P2RX5: variants seen among roughly 807,000 people sequenced by gnomAD.
The protein encoded by P2RX5 is P2X purinoceptor 5.
Under a neutral mutation model 54.1 loss-of-function variants are expected in P2RX5, and 46 were observed. The ratio of observed to expected loss-of-function variants is 0.85; its 90% confidence interval spans 0.67 to 1.09. P2RX5 has a LOEUF of 1.09. Ranked by LOEUF, P2RX5 falls within the 50% of genes least tolerant of loss-of-function variation. The pLI is 0.00. For synonymous variants in P2RX5, 226 were observed against 226.4 expected, an observed-to-expected ratio of 1.00 and a Z score of 0.02; for missense variants, 566 against 549.8, an observed-to-expected ratio of 1.03 and a Z score of -0.29.
rs1211608462 is a variant in P2RX5 at position 3,689,555 on chromosome 17, G to A, written c.690C>T (p.Pro230=). The change falls in exon 7 of 12, where the codon CCC becomes CCT. Residue 230 remains proline, a synonymous_variant. Coordinates refer to ENST00000225328, the MANE Select transcript of P2RX5 (RefSeq NM_002561.4). ...CHFGPKNHYC[P]IFRLGSVIRW... is the part of the protein sequence containing the mutation. ...GGATCACGGAGCCCAGTCGGAAGAT[G>A]GGGCAGTAGTGGTTCTTGGGGCCAA... The A allele has an allele frequency of 1.2e-6, 2 of 1,614,142 alleles. No individual in the cohort carries two copies. Among genetic ancestry groups the A allele is most frequent in the South Asian group, 1.1e-5 (1 of 91,086 alleles).
At chr17:3,695,621 A>C (rs538893500) in intron 1 of P2RX5, among the ~76,000 whole-genome samples, 1 of 152,218 alleles carries the variant, frequency 6.6e-6, no homozygotes, top group Non-Finnish European at 1.5e-5. Flanking sequence ...AATCGAGGAA[A>C]CCAGAAGGCC....
At chr17:3,690,714 G>C (rs759761937) in intron 3 of P2RX5, 34 bp from the exon 4 acceptor site, 2 of 1,599,420 alleles carry the variant, frequency 1.3e-6, no homozygotes, top group African/African-American at 1.3e-5. Context: ...GGATGGGGGG[G>C]TTCCCCCAGC....
At chr17:3,683,795 G>A (rs922813419) in intron 9 of P2RX5, among the ~76,000 whole-genome samples, 1 of 151,600 alleles carries the variant, frequency 6.6e-6, no homozygotes, top group Non-Finnish European at 1.5e-5. Context: ...AGTAACAGGC[G>A]CAAACATCCA....
At chr17:3,677,616 G>A in intron 11 of P2RX5, 1 of 985,408 alleles carries the variant, frequency 1.0e-6, no homozygotes, top group African/African-American at 1.7e-5. Flanking sequence ...AGGCCAGCTG[G>A]AGTGGCTGGG....
the P2RX5 span, among the ~76,000 whole-genome samples, chr17:3,707,859 T>C: frequency 0.47 from 70,973 of 151,420 alleles, 17,497 homozygotes; most frequent in East Asian, 0.65. Flanking sequence ...GAGATCGAGA[T>C]CATCCTGGCT....
chr17:3,721,365 G>A, the P2RX5 span, among the ~76,000 whole-genome samples: 22 of 142,908 alleles, frequency 1.5e-4, no homozygotes, highest in African/African-American at 4.6e-4. Context: ...TCAAATTCCT[G>A]GGCTCAAACG....
chr17:3,680,748 A>G (rs924978445), intron 10 of P2RX5, among the ~76,000 whole-genome samples: 1 of 28,436 alleles, frequency 3.5e-5, no homozygotes, highest in Non-Finnish European at 7.7e-5. Context: ...TCCTCCACCC[A>G]GCGTCCTCCA....
At chr17:3,676,617 T>A (rs2050111148) in intron 11 of P2RX5, 3 of 983,996 alleles carry the variant, frequency 3.0e-6, no homozygotes, top group African/African-American at 3.5e-5. Flanking sequence ...AAAGCTGGCC[T>A]TTTTCCCCTG....
At chr17:3,723,360 C>T in the P2RX5 span, 1 of 1,613,546 alleles carries the variant, frequency 6.2e-7, no homozygotes, top group Non-Finnish European at 8.5e-7. Flanking sequence ...TGACACAGCT[C>T]ACTGAATGCC....
intron 11 of P2RX5, chr17:3,677,353 G>A: frequency 1.1e-6 from 1 of 950,434 alleles, no homozygotes; most frequent in Non-Finnish European, 1.2e-6. Flanking sequence ...CCCGAGGCTG[G>A]TGGAGTCAGA....
chr17:3,691,517 G>A, intron 2 of P2RX5, 127 bp downstream of exon 2: 1 of 1,175,216 alleles, frequency 8.5e-7, no homozygotes. Context: ...GCAAGCCCTG[G>A]CAGCTGTCTT....
the P2RX5 span, among the ~76,000 whole-genome samples, chr17:3,708,233 C>A: frequency 2.6e-5 from 4 of 152,036 alleles, no homozygotes; most frequent in African/African-American, 9.7e-5. Context: ...CTTCCTAATG[C>A]CCACCACCTC....
rs754389394 is a variant in P2RX5 at position 3,688,687 on chromosome 17, AGTGAGG to A, written c.820_825del (p.Pro274_His275del). 1 of 1,613,804 alleles carries A rather than the reference AGTGAGG, an allele frequency of 6.2e-7. No homozygotes were observed. Among genetic ancestry groups the A allele is most frequent in the South Asian group, 1.1e-5 (1 of 91,082 alleles). On this transcript the variant is annotated inframe_deletion, in exon 8 of 12. Coordinates refer to ENST00000225328, the MANE Select transcript of P2RX5 (RefSeq NM_002561.4). ...TTATTGTCCAGACGGCTAAAAGAAT[AGTGAGG>A]GTGGCACTCAGAGGCAGCTTTATCA...
At chr17:3,720,558 G>C in the P2RX5 span, 1 of 477,492 alleles carries the variant, frequency 2.1e-6, no homozygotes. Flanking sequence ...ACCCAAACAA[G>C]ACATCTGCAG....
rs1030930129 is a variant in P2RX5 at position 3,677,543 on chromosome 17, G to C, written c.1259+2047C>G. 35 of 985,436 alleles carry C rather than the reference G, an allele frequency of 3.6e-5. No homozygotes were observed. In the Admixed American group the frequency reaches 2.0e-3, roughly 57 times the overall value. 61.0% of individuals were successfully genotyped at this position (985,436 alleles called of 1,614,324 possible). On this transcript the variant is annotated intron_variant, in intron 11 of 11. Coordinates refer to ENST00000225328, the MANE Select transcript of P2RX5 (RefSeq NM_002561.4). ...ATGTCCCCTTGGGTGTTGTCCAAGA[G>C]CTTTCTCTGAGCAACCATCATTCTC... is the stretch of plus-strand genomic sequence containing the variant.
At chr17:3,705,146 G>A in the P2RX5 span, among the ~76,000 whole-genome samples, 5 of 152,180 alleles carry the variant, frequency 3.3e-5, no homozygotes, top group African/African-American at 4.8e-5. Flanking sequence ...CACAGCATGT[G>A]TGAACTTTCT....
At chr17:3,688,479 G>A in intron 8 of P2RX5, 147 bp downstream of exon 8, 1 of 860,464 alleles carries the variant, frequency 1.2e-6, no homozygotes, top group Non-Finnish European at 2.0e-6. Flanking sequence ...CACTCTGCTG[G>A]GGTCCACACC....
Position 3,673,799 on chromosome 17 carries a change from A to G in P2RX5, c.*69T>C. 2 of 1,612,278 alleles carry G rather than the reference A, an allele frequency of 1.2e-6. No homozygotes were observed. The highest frequency in any genetic ancestry group is 1.7e-6 in the Non-Finnish European group (2 of 1,179,962). ...CGTTGGGCAGCATCCTGGGATTCCCAAAGGCATGGGATCACTGGGTGCTAG... is the reference window on the plus strand; with the variant it reads ...CGTTGGGCAGCATCCTGGGATTCCCGAAGGCATGGGATCACTGGGTGCTAG... On this transcript the variant is annotated 3_prime_UTR_variant, in exon 12 of 12. Transcript: ENST00000225328.
At chr17:3,675,831 G>A (rs1015707554) in intron 11 of P2RX5, 6 of 981,974 alleles carry the variant, frequency 6.1e-6, no homozygotes, top group Non-Finnish European at 7.3e-6. Context: ...GATTACAGGT[G>A]TGAGCCACTG....
Sources: allele counts gnomAD v4.1 joint callset (sites outside exome capture counted in the v4.1 genomes callset), GRCh38; gene constraint gnomAD v4.1.1; transcripts MANE v1.5; gene names NCBI Gene and HGNC (gene_info 2026-07-23, HGNC 2026-07-21).